The following CEP112 variants were observed in gnomAD, a reference collection of about 807,000 sequenced individuals.
CEP112 encodes the protein centrosomal protein 112.
In CEP112, 127 loss-of-function variants were observed where a neutral mutation model predicts 153.0. The ratio of observed to expected loss-of-function variants is 0.83; its 90% CI spans 0.72 to 0.96. The LOEUF (loss-of-function observed/expected upper bound fraction) is 0.96, where lower values mean the gene tolerates loss of function less well. Ranked by LOEUF, CEP112 falls within the 40% of genes least tolerant of loss-of-function variation. CEP112 has a pLI of 0.00. For synonymous variants in CEP112, 358 were observed against 374.4 expected (o/e 0.96, Z 0.51); for missense variants, 1,089 against 1,101.2 (o/e 0.99, Z 0.16).
chr17:66,128,208 C>A (rs2146508643), intron 6 of CEP112, among the ~76,000 whole-genome samples: 1 of 144,496 alleles, frequency 6.9e-6, no homozygotes, highest in Non-Finnish European at 1.5e-5. Flanking sequence ...GAGGCTGAGG[C>A]AGGAGGATTG....
At chr17:65,777,412 C>T (rs555497454) in intron 21 of CEP112, among the ~76,000 whole-genome samples, 1 of 152,282 alleles carries the variant, frequency 6.6e-6, no homozygotes, top group Non-Finnish European at 1.5e-5. Flanking sequence ...TATTTCCTGA[C>T]CTTCTGTTCT....
intron 18 of CEP112, among the ~76,000 whole-genome samples, chr17:65,931,548 C>T (rs73349012): frequency 0.065 from 9,840 of 152,232 alleles, 465 homozygotes; most frequent in African/African-American, 0.12. Context: ...AGGGCTAGAA[C>T]ATCTGAGATC....
chr17:65,981,109 C>A (rs1258958683), intron 17 of CEP112, among the ~76,000 whole-genome samples: 2 of 152,170 alleles, frequency 1.3e-5, no homozygotes, highest in African/African-American at 4.8e-5. Flanking sequence ...AGCCACCACG[C>A]CCGGCCATCT....
intron 18 of CEP112, among the ~76,000 whole-genome samples, chr17:65,934,705 C>T (rs908743160): frequency 6.6e-6 from 1 of 151,998 alleles, no homozygotes; most frequent in Non-Finnish European, 1.5e-5. Flanking sequence ...ATATTTCATG[C>T]AAATAGAAAT....
intron 11 of CEP112, among the ~76,000 whole-genome samples, chr17:66,059,671 G>A (rs193278648): frequency 1.3e-5 from 2 of 152,156 alleles, no homozygotes; most frequent in Non-Finnish European, 2.9e-5. Context: ...AGGTTGCAGA[G>A]AAAAAGGAAT....
intron 8 of CEP112, among the ~76,000 whole-genome samples, chr17:66,070,231 A>G (rs2067261506): frequency 6.6e-6 from 1 of 152,174 alleles, no homozygotes; most frequent in African/African-American, 2.4e-5. Context: ...CTGGTAGGCA[A>G]AACTGACAAT....
chr17:65,961,393 T>C (rs1259649137), intron 18 of CEP112, 70 bp downstream of exon 18: 4 of 1,395,116 alleles, frequency 2.9e-6, no homozygotes, highest in Non-Finnish European at 3.9e-6. Context: ...TTCTGTCATA[T>C]TTAAGATGAG....
intron 20 of CEP112, among the ~76,000 whole-genome samples, chr17:65,856,592 TA>T (rs1474308189): frequency 1.3e-5 from 2 of 152,218 alleles, no homozygotes; most frequent in African/African-American, 4.8e-5. Context: ...TTTTGAAAAT[TA>T]AAAAATACAT....
intron 18 of CEP112, chr17:65,941,400 TAAC>T (rs1251938949): frequency 6.6e-6 from 1 of 152,106 alleles, no homozygotes; most frequent in East Asian, 1.9e-4. Context: ...TCAAAGTAAA[TAAC>T]AACTGATATT....
chr17:66,115,767 T>G (rs982891776), intron 6 of CEP112, among the ~76,000 whole-genome samples: 1 of 152,164 alleles, frequency 6.6e-6, no homozygotes, highest in Non-Finnish European at 1.5e-5. Context: ...GAGATTGATC[T>G]CCCATCTCCT....
chr17:65,756,329 C>T, intron 21 of CEP112, among the ~76,000 whole-genome samples: 1 of 145,716 alleles, frequency 6.9e-6, no homozygotes, highest in East Asian at 2.0e-4. Context: ...TCACTGGAAC[C>T]TGGGAAGTGG....
intron 17 of CEP112, among the ~76,000 whole-genome samples, chr17:65,969,577 G>A (rs1449404758): frequency 1.3e-5 from 2 of 152,128 alleles, no homozygotes; most frequent in African/African-American, 4.8e-5. Context: ...TTACACACAA[G>A]TATACACATA....
chr17:65,963,871 A>C (rs2062314363), intron 17 of CEP112, among the ~76,000 whole-genome samples: 1 of 152,230 alleles, frequency 6.6e-6, no homozygotes, highest in Non-Finnish European at 1.5e-5. Context: ...ATCTACCTGA[A>C]GGTGACAATA....
At chr17:65,640,046 C>G (rs1470665145) in intron 25 of CEP112, among the ~76,000 whole-genome samples, 1 of 149,682 alleles carries the variant, frequency 6.7e-6, no homozygotes, top group Non-Finnish European at 1.5e-5. Flanking sequence ...CCACGTTGGC[C>G]AGGCTGGTCT....
At chr17:65,675,407 T>C (rs2047180529) in intron 24 of CEP112, among the ~76,000 whole-genome samples, 1 of 152,176 alleles carries the variant, frequency 6.6e-6, no homozygotes, top group Non-Finnish European at 1.5e-5. Context: ...GGTTTCACCA[T>C]ATTGGCCAGG....
At chr17:65,782,903 G>C (rs2054078754) in intron 21 of CEP112, among the ~76,000 whole-genome samples, 1 of 151,522 alleles carries the variant, frequency 6.6e-6, no homozygotes, top group African/African-American at 2.4e-5. Context: ...TTGTACCATA[G>C]ACTTCAGCAT....
At chr17:66,156,178 A>C (rs550766008) in intron 4 of CEP112, among the ~76,000 whole-genome samples, 1 of 152,326 alleles carries the variant, frequency 6.6e-6, no homozygotes, top group Admixed American at 6.5e-5. Context: ...CAAAGCTTCC[A>C]GAGGAAGGAA....
At chr17:66,117,001 G>C (rs1460339840) in intron 6 of CEP112, among the ~76,000 whole-genome samples, 1 of 151,460 alleles carries the variant, frequency 6.6e-6, no homozygotes, top group East Asian at 1.9e-4. Context: ...TGAGTAACTG[G>C]AACTACAAGC....
intron 24 of CEP112, among the ~76,000 whole-genome samples, chr17:65,687,160 A>ATTTTTTTTTTTTTT (rs35675811): frequency 1.1e-5 from 1 of 90,142 alleles, no homozygotes; most frequent in Non-Finnish European, 2.0e-5. Flanking sequence ...GTTATTATTA[A>ATTTTTTTTTTTTTT]TTTTTTTTTT....
Sources: allele counts gnomAD v4.1 joint callset (sites outside exome capture counted in the v4.1 genomes callset), GRCh38; gene constraint gnomAD v4.1.1; transcripts MANE v1.5; gene names NCBI Gene and HGNC (gene_info 2026-07-23, HGNC 2026-07-21).